The following CFAP221 variants were observed in gnomAD, a reference collection of about 807,000 sequenced individuals.
CFAP221 encodes cilia and flagella associated protein 221, also known as cilia- and flagella-associated protein 221.
In CFAP221, 97 loss-of-function variants were observed where a neutral mutation model predicts 113.1. That is an observed-to-expected ratio of 0.86 (90% CI 0.73 to 1.02). The LOEUF is 1.02. Ranked by LOEUF, CFAP221 falls within the 50% of genes least tolerant of loss-of-function variation. CFAP221 has a pLI of 0.00. For synonymous variants in CFAP221, 331 were observed against 354.4 expected, an observed-to-expected ratio of 0.93 and a Z score of 0.74; for missense variants, 1,025 against 1,013.4, an observed-to-expected ratio of 1.01 and a Z score of -0.16.
intron 6 of CFAP221, among the ~76,000 whole-genome samples, chr2:119,571,494 A>T (rs996158459): frequency 2.0e-5 from 3 of 151,434 alleles, no homozygotes; most frequent in African/African-American, 7.3e-5. Context: ...TCACTCTGTC[A>T]CCCAGGCTAG....
chr2:119,621,664 C>T (rs902489600), intron 14 of CFAP221, among the ~76,000 whole-genome samples: 3 of 152,050 alleles, frequency 2.0e-5, no homozygotes, highest in Non-Finnish European at 4.4e-5. Context: ...TCAGCAAATG[C>T]AAAAGAACAG....
chr2:119,631,084 T>A, intron 19 of CFAP221, 183 bp downstream of exon 19: 1 of 1,290,278 alleles, frequency 7.8e-7, no homozygotes, highest in Non-Finnish European at 9.9e-7. Context: ...GATTCCGTCT[T>A]TTAGCAATTC....
In CFAP221 at chr2:119,627,786, G is replaced by T. The variant is rs764150377; in HGVS notation, c.1650G>T (p.Leu550Phe). Residue 550 changes from leucine (L) to phenylalanine (F), a missense_variant and splice_region_variant, in exon 16 of 24, where the codon TTG (leucine) becomes TTT (phenylalanine). Physicochemically the swap from Leu to Phe is conservative, Grantham distance 22. Coordinates refer to ENST00000413369, the MANE Select transcript of CFAP221 (RefSeq NM_001271049.2). Reference protein sequence around the residue: ...DCSPPQDSNELAPDGLGLVPI... With the variant: ...DCSPPQDSNEFAPDGLGLVPI... ...GCCCACCCCAGGACTCCAACGAGTT[G>T]GTAGGTGCCGTCAGGCTTGGGGGCG... is the stretch of plus-strand genomic sequence containing the variant. The T allele has an allele frequency of 2.5e-6, 4 of 1,613,054 alleles. No homozygotes were observed. Among genetic ancestry groups the T allele is most frequent in the Non-Finnish European group, 3.4e-6 (4 of 1,179,536 alleles).
intron 6 of CFAP221, among the ~76,000 whole-genome samples, chr2:119,583,755 A>G (rs1228263757): frequency 2.0e-5 from 3 of 152,224 alleles, no homozygotes; most frequent in African/African-American, 4.8e-5. Flanking sequence ...TGATGAGGCC[A>G]TGAGGGCAAA....
Position 119,612,659 on chromosome 2 carries a change from A to G in CFAP221, c.1311+917A>G, listed in dbSNP as rs558339172. Among the ~76,000 whole-genome samples, 11 of 152,258 alleles carry G rather than the reference A, an allele frequency of 7.2e-5. No homozygotes were observed. The South Asian group carries it at 1.9e-3, about 26-fold the overall frequency. On this transcript the variant is annotated intron_variant, in intron 13 of 23. Transcript: ENST00000413369. ...CCCCTCCCAAGTCTCATGTCCTCAC[A>G]ATTTAAAACACAATCATGCCCTTCT...
At chr2:119,631,666 C>T (rs938925326) in intron 19 of CFAP221, among the ~76,000 whole-genome samples, 1 of 152,104 alleles carries the variant, frequency 6.6e-6, no homozygotes, top group Non-Finnish European at 1.5e-5. Context: ...CAGAGCAAGA[C>T]TCCATCTCAA....
intron 19 of CFAP221, among the ~76,000 whole-genome samples, chr2:119,632,825 T>C (rs1388910896): frequency 6.6e-6 from 1 of 152,124 alleles, no homozygotes; most frequent in Non-Finnish European, 1.5e-5. Flanking sequence ...AAAAATCAAT[T>C]ATATTTCTGT....
intron 11 of CFAP221, 106 bp downstream of exon 11, chr2:119,605,395 T>A (rs1249173445): frequency 1.1e-6 from 1 of 883,312 alleles, no homozygotes; most frequent in East Asian, 2.7e-5. Flanking sequence ...TTAGGTACTT[T>A]GGAGAATTTA....
chr2:119,585,983 G>C (rs11684429), intron 6 of CFAP221, among the ~76,000 whole-genome samples: 21,948 of 152,222 alleles, frequency 0.14, 1,669 homozygotes, highest in African/African-American at 0.18. Flanking sequence ...GCTCAAACCA[G>C]ATTACAACTG....
chr2:119,606,493 G>T (rs533230978), intron 11 of CFAP221, among the ~76,000 whole-genome samples: 13 of 152,080 alleles, frequency 8.5e-5, no homozygotes, highest in Non-Finnish European at 1.5e-4. Context: ...TTCTGTCTCA[G>T]CTTAAGTCTA....
At chr2:119,586,503 C>G (rs1683232641) in intron 6 of CFAP221, among the ~76,000 whole-genome samples, 1 of 152,220 alleles carries the variant, frequency 6.6e-6, no homozygotes, top group Non-Finnish European at 1.5e-5. Context: ...CAGACCATTT[C>G]TGAATACATA....
At chr2:119,626,921 C>G (rs1232786395) in intron 15 of CFAP221, among the ~76,000 whole-genome samples, 1 of 148,078 alleles carries the variant, frequency 6.8e-6, no homozygotes, top group African/African-American at 2.4e-5. Flanking sequence ...TAGAGCAAGA[C>G]CCTGTCTCTG....
At chr2:119,641,099 G>A (rs984207462) in intron 21 of CFAP221, among the ~76,000 whole-genome samples, 2 of 152,142 alleles carry the variant, frequency 1.3e-5, no homozygotes, top group African/African-American at 4.8e-5. Context: ...CACTGAATTT[G>A]ACTTCCTCCT....
intron 7 of CFAP221, among the ~76,000 whole-genome samples, chr2:119,594,449 T>C (rs1484291465): frequency 6.6e-6 from 1 of 152,132 alleles, no homozygotes; most frequent in East Asian, 1.9e-4. Context: ...TTTCACCATA[T>C]TGTTCAGGCT....
chr2:119,611,141 T>C (rs760055980), intron 12 of CFAP221, among the ~76,000 whole-genome samples: 8 of 152,126 alleles, frequency 5.3e-5, no homozygotes, highest in African/African-American at 1.2e-4. Flanking sequence ...ACCTGACACC[T>C]GGATAATCGA....
At chr2:119,642,415 G>A (rs549921309) in intron 21 of CFAP221, among the ~76,000 whole-genome samples, 6 of 152,164 alleles carry the variant, frequency 3.9e-5, no homozygotes, top group African/African-American at 1.2e-4. Context: ...AGACTGGGAA[G>A]TCCGAGATCA....
At chr2:119,641,120 C>T (rs764242170) in intron 21 of CFAP221, among the ~76,000 whole-genome samples, 5 of 152,192 alleles carry the variant, frequency 3.3e-5, no homozygotes, top group Admixed American at 6.5e-5. Context: ...TCATCATCTT[C>T]ATTGAAGGGC....
At chr2:119,563,045 T>G (rs1384294451) in intron 6 of CFAP221, among the ~76,000 whole-genome samples, 2 of 152,170 alleles carry the variant, frequency 1.3e-5, no homozygotes. Flanking sequence ...TCCCAGCTAC[T>G]TGGTAGGCTG....
Position 119,611,647 on chromosome 2 carries a change from A to C in CFAP221, c.1222-6A>C, listed in dbSNP as rs1574130181. ...ACTTAAATTATTTTGATGATTAAAA[A>C]CCCAGCTAGACAGAGGAGATCCTAT... On this transcript the variant is annotated splice_region_variant and splice_polypyrimidine_tract_variant and intron_variant, in intron 12 of 23. Transcript: ENST00000413369. 1.2e-6 allele frequency: 2 copies of C among 1,601,420 alleles called. No homozygotes were observed. Among genetic ancestry groups the C allele is most frequent in the South Asian group, 1.1e-5 (1 of 88,822 alleles).
Sources: gnomAD v4.1 joint callset for allele counts (sites outside exome capture counted in the v4.1 genomes callset) on GRCh38, gnomAD v4.1.1 for gene constraint, MANE v1.5 for transcripts, NCBI Gene and HGNC (gene_info 2026-07-23, HGNC 2026-07-21) for gene names.